HNRNPC: variants seen among roughly 807,000 people sequenced by gnomAD.
HNRNPC encodes heterogeneous nuclear ribonucleoproteins C1/C2.
In HNRNPC, 3 loss-of-function variants were observed where a neutral mutation model predicts 33.2. The observed-to-expected ratio is 0.09, with a 90% CI of 0.04 to 0.23. The LOEUF (loss-of-function observed/expected upper bound fraction) is 0.23. Among genes scored for constraint, HNRNPC ranks in the 10% least tolerant of loss-of-function variants. The pLI is 1.00. For synonymous variants in HNRNPC, 121 were observed against 126.7 expected, an observed-to-expected ratio of 0.96 and a Z score of 0.30; for missense variants, 143 against 366.7, an observed-to-expected ratio of 0.39 and a Z score of 4.98.
At position 21,210,977 on chromosome 14, in the gene HNRNPC, G is replaced by T. The variant is rs1891530762; in HGVS notation, c.*246C>A. ...CTTTTTATTGTTAAGTCATAAAGAGGTATCAAAATTAAAAGCAAAAATTAC... is the reference window on the plus strand; with the variant it reads ...CTTTTTATTGTTAAGTCATAAAGAGTTATCAAAATTAAAAGCAAAAATTAC... On this transcript the variant is annotated 3_prime_UTR_variant, in exon 9 of 9. Transcript: ENST00000553300. 5.5e-6 allele frequency: 3 copies of T among 542,274 alleles called. No individual in the cohort carries two copies. The highest frequency in any genetic ancestry group is 3.2e-5 in the Admixed American group (1 of 31,660). The allele number at this position is 542,274 out of a possible 1,614,324, so 33.6% of individuals were successfully genotyped here. A position where few individuals can be genotyped will look rare whatever the true frequency, so the allele number is the denominator to read the frequency against.
At chr14:21,238,678 T>C (rs1229933699) in intron 2 of HNRNPC, among the ~76,000 whole-genome samples, 1 of 152,186 alleles carries the variant, frequency 6.6e-6, no homozygotes, top group African/African-American at 2.4e-5. Flanking sequence ...ATCATCATAT[T>C]TCCCCTCTTC....
intron 5 of HNRNPC, among the ~76,000 whole-genome samples, chr14:21,214,577 C>CA (rs201916399): frequency 3.6e-4 from 53 of 149,294 alleles, no homozygotes; most frequent in East Asian, 2.6e-3. Context: ...AACACTGTCT[C>CA]AAAAAAAAAG....
At chr14:21,231,174 G>T in intron 3 of HNRNPC, 102 bp from the exon 4 acceptor site, 1 of 1,181,414 alleles carries the variant, frequency 8.5e-7, no homozygotes. Flanking sequence ...TCGCTTTCTC[G>T]CTCAGGCTGG....
At chr14:21,233,870 T>C in intron 3 of HNRNPC, 83 bp downstream of exon 3, 1 of 1,519,014 alleles carries the variant, frequency 6.6e-7, no homozygotes. Context: ...ATGCTGTCAG[T>C]TTTACAGACA....
intron 5 of HNRNPC, among the ~76,000 whole-genome samples, chr14:21,227,542 AAAG>A (rs1340828197): frequency 2.6e-5 from 4 of 152,258 alleles, no homozygotes; most frequent in Non-Finnish European, 4.4e-5. Flanking sequence ...TTTACCGTTC[AAAG>A]AAATGTCAAA....
intron 5 of HNRNPC, among the ~76,000 whole-genome samples, chr14:21,219,122 A>AAAAAAG (rs771795365): frequency 1.2e-4 from 18 of 150,486 alleles, no homozygotes; most frequent in Admixed American, 7.5e-4. Flanking sequence ...AAAAAAAAAA[A>AAAAAAG]AAGAAGAAAA....
At chr14:21,259,642 C>T (rs998824987) in intron 2 of HNRNPC, among the ~76,000 whole-genome samples, 2 of 152,144 alleles carry the variant, frequency 1.3e-5, no homozygotes, top group East Asian at 1.9e-4. Flanking sequence ...CACCTTATCA[C>T]ATCCATCCTG....
chr14:21,242,182 TATAATA>T (rs916654780), intron 2 of HNRNPC, among the ~76,000 whole-genome samples: 4 of 152,016 alleles, frequency 2.6e-5, no homozygotes, highest in African/African-American at 4.8e-5. Context: ...TATAATCATA[TATAATA>T]ATAATAAGGT....
intron 2 of HNRNPC, among the ~76,000 whole-genome samples, chr14:21,235,478 T>C (rs1894600697): frequency 6.6e-6 from 1 of 152,220 alleles, no homozygotes; most frequent in African/African-American, 2.4e-5. Context: ...TAACAGGCAG[T>C]ACTGATTTAA....
Position 21,244,121 on chromosome 14 carries a change from C to T in HNRNPC, c.-36-9892G>A, listed in dbSNP as rs569367560. ...TTCGATCACTGCAACCTCTGCCTTC[C>T]GAGTAGCTGGGACTACAGGCGCCCG... On this transcript the variant is annotated intron_variant, in intron 2 of 8. Transcript: ENST00000553300. 1.7e-4 allele frequency among the ~76,000 whole-genome samples: 26 copies of T among 151,890 alleles called. No individual in the cohort carries two copies. In the East Asian group the frequency reaches 4.5e-3, roughly 26 times the overall value.
chr14:21,245,589 G>A (rs1359577527), intron 2 of HNRNPC, among the ~76,000 whole-genome samples: 1 of 152,154 alleles, frequency 6.6e-6, no homozygotes, highest in Non-Finnish European at 1.5e-5. Context: ...TTTGGTGACT[G>A]TACTGAGTGA....
intron 5 of HNRNPC, among the ~76,000 whole-genome samples, chr14:21,226,893 AAAGGG>A (rs1320101862): frequency 8.9e-6 from 1 of 112,174 alleles, no homozygotes; most frequent in African/African-American, 3.6e-5. Flanking sequence ...AAAAAAAAAA[AAAGGG>A]GGGGGGGGGA....
chr14:21,264,451 G>T (rs1412756660), intron 1 of HNRNPC: 1 of 152,052 alleles, frequency 6.6e-6, no homozygotes, highest in East Asian at 1.9e-4. Flanking sequence ...GAATATTTAA[G>T]GTCATAAAAT....
chr14:21,246,502 C>A (rs1332005796), intron 2 of HNRNPC, among the ~76,000 whole-genome samples: 1 of 150,474 alleles, frequency 6.6e-6, no homozygotes, highest in Non-Finnish European at 1.5e-5. Flanking sequence ...GGAGGCAGAG[C>A]TTGCAGTGAG....
At chr14:21,254,527 G>A (rs1227623070) in intron 2 of HNRNPC, 1 of 152,106 alleles carries the variant, frequency 6.6e-6, no homozygotes, top group African/African-American at 2.4e-5. Context: ...CGGATCAAAG[G>A]TAAGATAAAG....
At chr14:21,253,847 C>A (rs1181360218) in intron 2 of HNRNPC, among the ~76,000 whole-genome samples, 1 of 151,956 alleles carries the variant, frequency 6.6e-6, no homozygotes, top group African/African-American at 2.4e-5. Flanking sequence ...GGGCAGATCA[C>A]GAGGTCAGCA....
chr14:21,241,839 G>C (rs933179751), intron 2 of HNRNPC, among the ~76,000 whole-genome samples: 1 of 152,186 alleles, frequency 6.6e-6, no homozygotes, highest in Admixed American at 6.5e-5. Context: ...AGTAATACCT[G>C]GGGATATTAC....
intron 5 of HNRNPC, among the ~76,000 whole-genome samples, chr14:21,219,236 T>C (rs2139518346): frequency 6.6e-6 from 1 of 152,252 alleles, no homozygotes; most frequent in African/African-American, 2.4e-5. Flanking sequence ...AAGGAACAGA[T>C]ATGATTGCTA....
rs138467367 is a variant in HNRNPC, at chr14:21,258,430, A to C, written c.-37+4881T>G. Among the ~76,000 whole-genome samples, 60 of 152,122 alleles carry C rather than the reference A, an allele frequency of 3.9e-4. 1 individual carries two copies. The East Asian group carries it at 0.01, about 26-fold the overall frequency. ...TTCAACATATCAAAGTGACGAAAGG[A>C]GTCTACTATCATTAAGTGTTGAAAT... On this transcript the variant is annotated intron_variant, in intron 2 of 8. Transcript: ENST00000553300.
Sources: gnomAD v4.1 joint callset for allele counts (sites outside exome capture counted in the v4.1 genomes callset) on GRCh38, gnomAD v4.1.1 for gene constraint, MANE v1.5 for transcripts, NCBI Gene and HGNC (gene_info 2026-07-23, HGNC 2026-07-21) for gene names.